Variants in AQP2 observed in about 807,000 individuals in gnomAD.
The protein encoded by AQP2 is aquaporin-2.
AQP2 carries 20 observed loss-of-function variants against 21.6 expected under a neutral mutation model. That is an observed-to-expected ratio of 0.92 (90% CI 0.65 to 1.34). The LOEUF (loss-of-function observed/expected upper bound fraction) is 1.34. Ranked by LOEUF, AQP2 falls within the 40% of genes most tolerant of loss-of-function variation. AQP2 has a pLI of 0.00. For synonymous variants in AQP2, 168 were observed against 166.9 expected, an observed-to-expected ratio of 1.01 and a Z score of -0.05; for missense variants, 325 against 363.4, an observed-to-expected ratio of 0.89 and a Z score of 0.86.
At chr12:49,955,341 G>A in intron 3 of AQP2, 58 bp from the exon 4 acceptor site, 1 of 1,563,694 alleles carries the variant, frequency 6.4e-7, no homozygotes, top group Non-Finnish European at 8.7e-7. Context: ...CGGGGCCTGC[G>A]GGCTCCGCGT....
Position 49,957,876 on chromosome 12 carries a change from CT to C in AQP2, c.*2269del, listed in dbSNP as rs1318096303. On this transcript the variant is annotated 3_prime_UTR_variant, in exon 4 of 4. Coordinates refer to ENST00000199280, the MANE Select transcript of AQP2 (RefSeq NM_000486.6). ...CACCCCACCTCACCCCAACAAACTC[CT>C]CTAGAAGAAGCCAAGAATTTCTCTC... 1.4e-5 allele frequency: 2 copies of C among 148,126 alleles called. No individual in the cohort carries two copies. The highest frequency in any genetic ancestry group is 4.9e-5 in the African/African-American group (2 of 41,224). 9.2% of individuals were successfully genotyped at this position (148,126 alleles called of 1,614,324 possible).
chr12:49,953,303 C>G (rs923655746), intron 1 of AQP2, among the ~76,000 whole-genome samples: 6 of 152,242 alleles, frequency 3.9e-5, no homozygotes, highest in Non-Finnish European at 7.3e-5. Flanking sequence ...AGAGCTGTCA[C>G]TGTTCCACCC....
chr12:49,958,328 A>C lies in AQP2; in HGVS notation c.*2720A>C, dbSNP rs1420276523. ...ACAGGTAGTATATGGTGGAGCCAAC[A>C]CTTGAACTCAGACCTTTTTACACAA... On this transcript the variant is annotated 3_prime_UTR_variant, in exon 4 of 4. Coordinates refer to ENST00000199280, the MANE Select transcript of AQP2 (RefSeq NM_000486.6). 6.6e-6 allele frequency: 1 copy of C among 152,230 alleles called. No homozygotes were observed. The highest frequency in any genetic ancestry group is 1.5e-5 in the Non-Finnish European group (1 of 68,048). The allele number at this position is 152,230 out of a possible 1,614,324, so 9.4% of individuals were successfully genotyped here.
At chr12:49,954,837 C>T in intron 3 of AQP2, 127 bp downstream of exon 3, 1 of 1,111,430 alleles carries the variant, frequency 9.0e-7, no homozygotes, top group Admixed American at 1.8e-5. Context: ...CCTCCTGGTC[C>T]TGGGGAGCCT....
Position 49,957,395 on chromosome 12 carries a change from C to T in AQP2, c.*1787C>T, listed in dbSNP as rs1947379620. ...TAACATGTGGGTCATACCTTGAACCCCCCTCCGCCCCCATGCTCTCTGTGG... is the reference window on the plus strand; with the variant it reads ...TAACATGTGGGTCATACCTTGAACCTCCCTCCGCCCCCATGCTCTCTGTGG... On this transcript the variant is annotated 3_prime_UTR_variant, in exon 4 of 4. Coordinates refer to ENST00000199280, the MANE Select transcript of AQP2 (RefSeq NM_000486.6). The T allele has an allele frequency of 6.6e-6, 1 of 152,402 alleles. No individual in the cohort carries two copies. Among genetic ancestry groups the T allele is most frequent in the South Asian group, 2.1e-4 (1 of 4,828 alleles). 9.4% of individuals were successfully genotyped at this position (152,402 alleles called of 1,614,324 possible).
intron 1 of AQP2, among the ~76,000 whole-genome samples, chr12:49,952,759 G>C (rs1176191738): frequency 6.6e-6 from 1 of 152,186 alleles, no homozygotes; most frequent in Admixed American, 6.5e-5. Context: ...TGCCTGGATG[G>C]AATGGGGCAG....
chr12:49,955,300 G>A, intron 3 of AQP2, 99 bp from the exon 4 acceptor site: 2 of 1,182,570 alleles, frequency 1.7e-6, no homozygotes, highest in Non-Finnish European at 2.4e-6. Context: ...TTAATGTCGG[G>A]GAGGAGAGGT....
At position 49,951,210 on chromosome 12, in the gene AQP2, C is replaced by T. The variant is rs761960543; in HGVS notation, c.360+20C>T. On this transcript the variant is annotated intron_variant, in intron 1 of 3. Transcript: ENST00000199280. ...AATGCTGTGAGTAGCCACAACTTTG[C>T]CATCCACAAGGGGCAGGTCCTGGGG... 4.4e-6 allele frequency: 7 copies of T among 1,597,602 alleles called. No individual in the cohort carries two copies. Among genetic ancestry groups the T allele is most frequent in the Non-Finnish European group, 6.0e-6 (7 of 1,172,090 alleles).
At chr12:49,955,015 G>T (rs904148237) in intron 3 of AQP2, among the ~76,000 whole-genome samples, 3 of 152,224 alleles carry the variant, frequency 2.0e-5, no homozygotes. Flanking sequence ...GTAGTATTTA[G>T]CACTTATCTG....
rs461872 is a variant in AQP2 at position 49,951,423 on chromosome 12, G to A, written c.360+233G>A. On this transcript the variant is annotated intron_variant, in intron 1 of 3. Coordinates refer to ENST00000199280, the MANE Select transcript of AQP2 (RefSeq NM_000486.6). ...ACTGCTGGCTTCTTCCACCCTGACC[G>A]TCGTGCAGGAAGAGCCTCATCCAGG... The A allele has an allele frequency of 0.44, 271,985 of 611,596 alleles. 66,103 individuals carry two copies. The highest frequency in any genetic ancestry group is 0.52 in the Non-Finnish European group (191,706 of 368,358). 37.9% of individuals were successfully genotyped at this position (611,596 alleles called of 1,614,324 possible).
Position 49,954,185 on chromosome 12 carries a change from G to A in AQP2, c.391G>A (p.Val131Met), listed in dbSNP as rs753295442. The change falls in exon 2 of 4, where the codon GTG becomes ATG. Residue 131 changes from valine (V) to methionine (M), a missense_variant. Val to Met is a conservative substitution (Grantham distance 21). Coordinates refer to ENST00000199280, the MANE Select transcript of AQP2 (RefSeq NM_000486.6). ...CAACAGCACGACGGCTGGCCAGGCGGTGACTGTGGAGCTCTTCCTGACACT... is the reference window on the plus strand; with the variant it reads ...CAACAGCACGACGGCTGGCCAGGCGATGACTGTGGAGCTCTTCCTGACACT... ...LSNSTTAGQA[V>M]TVELFLTLQL... The A allele has an allele frequency of 5.4e-5, 86 of 1,600,790 alleles. No individual in the cohort carries two copies. The highest frequency in any genetic ancestry group is 3.8e-4 in the Middle Eastern group (2 of 5,210).
rs970473412 is a variant in AQP2, at chr12:49,957,203, C to T, written c.*1595C>T. The T allele has an allele frequency of 6.6e-6, 1 of 152,248 alleles. No individual in the cohort carries two copies. The highest frequency in any genetic ancestry group is 1.5e-5 in the Non-Finnish European group (1 of 68,040). The allele number at this position is 152,248 out of a possible 1,614,324, so 9.4% of individuals were successfully genotyped here. A position where few individuals can be genotyped will look rare whatever the true frequency, so the allele number is the denominator to read the frequency against. ...CAAAGCAAAGGAGAGTCCTGGGAGCCCACAAGATCCAGGCAGAAGGAGATG... is the reference window on the plus strand; with the variant it reads ...CAAAGCAAAGGAGAGTCCTGGGAGCTCACAAGATCCAGGCAGAAGGAGATG... On this transcript the variant is annotated 3_prime_UTR_variant, in exon 4 of 4. Transcript: ENST00000199280.
Position 49,955,889 on chromosome 12 carries a change from G to A in AQP2, c.*281G>A, listed in dbSNP as rs142263071. 9.9e-6 allele frequency: 6 copies of A among 606,142 alleles called. No individual in the cohort carries two copies. Among genetic ancestry groups the A allele is most frequent in the South Asian group, 3.7e-5 (2 of 53,446 alleles). 37.5% of individuals were successfully genotyped at this position (606,142 alleles called of 1,614,324 possible). A position where few individuals can be genotyped will look rare whatever the true frequency, so the allele number is the denominator to read the frequency against. On this transcript the variant is annotated 3_prime_UTR_variant, in exon 4 of 4. Coordinates refer to ENST00000199280, the MANE Select transcript of AQP2 (RefSeq NM_000486.6). ...CTGGGAACTTAGGGGACTGAGCTGG[G>A]GAGGGAGGCAGGTGGGTGGTAAGAG...
chr12:49,954,151 C>T lies in AQP2; in HGVS notation c.361-4C>T. ...TCCCCTACCCGCCTCTTCTCTGTCC[C>T]CAGCTCAGCAACAGCACGACGGCTG... On this transcript the variant is annotated splice_region_variant and splice_polypyrimidine_tract_variant and intron_variant, in intron 1 of 3. Transcript: ENST00000199280. 6.3e-7 allele frequency: 1 copy of T among 1,598,384 alleles called. No homozygotes were observed. Among genetic ancestry groups the T allele is most frequent in the Non-Finnish European group, 8.5e-7 (1 of 1,179,924 alleles).
chr12:49,952,472 G>T (rs910470888), intron 1 of AQP2, among the ~76,000 whole-genome samples: 3 of 152,182 alleles, frequency 2.0e-5, no homozygotes, highest in Non-Finnish European at 2.9e-5. Flanking sequence ...GGCTAGGTGG[G>T]CAAGCAGAGG....
In AQP2 at chr12:49,955,765, G is replaced by A; in HGVS notation, c.*157G>A. 9.6e-7 allele frequency: 1 copy of A among 1,039,226 alleles called. No homozygotes were observed. Among genetic ancestry groups the A allele is most frequent in the Non-Finnish European group, 1.4e-6 (1 of 696,294 alleles). The allele number at this position is 1,039,226 out of a possible 1,614,324, so 64.4% of individuals were successfully genotyped here. A position where few individuals can be genotyped will look rare whatever the true frequency, so the allele number is the denominator to read the frequency against. ...GCGCCCAGGCCAGTGCTGTGAGCAG[G>A]CGGGGAGGAGGCTGCCGGAGGGAGC... On this transcript the variant is annotated 3_prime_UTR_variant, in exon 4 of 4. Coordinates refer to ENST00000199280, the MANE Select transcript of AQP2 (RefSeq NM_000486.6).
Position 49,955,627 on chromosome 12 carries a change from A to ACGGC in AQP2, c.*21_*24dup, listed in dbSNP as rs1435130555. The ACGGC allele has an allele frequency of 6.5e-7, 1 of 1,540,240 alleles. No individual in the cohort carries two copies. Among genetic ancestry groups the ACGGC allele is most frequent in the Non-Finnish European group, 8.7e-7 (1 of 1,149,156 alleles). ...GGCCTGAGGGCCGCCAGCGGCCTCT[A>ACGGC]CGGCCCCGACGGACGCTTGTGAGGC... is the stretch of plus-strand genomic sequence containing the variant. On this transcript the variant is annotated 3_prime_UTR_variant, in exon 4 of 4. Transcript: ENST00000199280.
rs1231035859 is a variant in AQP2 at position 49,958,765 on chromosome 12, CTG to C, written c.*3159_*3160del. On this transcript the variant is annotated 3_prime_UTR_variant, in exon 4 of 4. Coordinates refer to ENST00000199280, the MANE Select transcript of AQP2 (RefSeq NM_000486.6). ...ATATATACAATGCCTCCCAGCTAGA[CTG>C]TAAGCCCTTTGGGGACAAGGGCTGC... 6.6e-6 allele frequency: 1 copy of C among 152,252 alleles called. No individual in the cohort carries two copies. The highest frequency in any genetic ancestry group is 2.4e-5 in the African/African-American group (1 of 41,468). 9.4% of individuals were successfully genotyped at this position (152,252 alleles called of 1,614,324 possible). A position where few individuals can be genotyped will look rare whatever the true frequency, so the allele number is the denominator to read the frequency against.
chr12:49,953,622 G>A (rs1253000498), intron 1 of AQP2, among the ~76,000 whole-genome samples: 5 of 152,042 alleles, frequency 3.3e-5, no homozygotes, highest in Admixed American at 6.5e-5. Flanking sequence ...GGTAGATTCC[G>A]GACTCATAGC....
Sources: gnomAD v4.1 joint callset for allele counts (sites outside exome capture counted in the v4.1 genomes callset) on GRCh38, gnomAD v4.1.1 for gene constraint, MANE v1.5 for transcripts, NCBI Gene and HGNC (gene_info 2026-07-23, HGNC 2026-07-21) for gene names.